SEC14L5: variants seen among roughly 807,000 people sequenced by gnomAD.
SEC14L5 encodes the protein SEC14 like lipid binding 5.
Under a neutral mutation model 84.6 loss-of-function variants are expected in SEC14L5, and 96 were observed. That is an observed-to-expected ratio of 1.13 (90% CI 0.96 to 1.34). The LOEUF is 1.34. Ranked by LOEUF, SEC14L5 falls within the 40% of genes most tolerant of loss-of-function variation. The pLI is 0.00. For synonymous variants in SEC14L5, 546 were observed against 383.4 expected, an observed-to-expected ratio of 1.42 and a Z score of -4.95; for missense variants, 1,224 against 942.5, an observed-to-expected ratio of 1.30 and a Z score of -3.91.
intron 15 of SEC14L5, among the ~76,000 whole-genome samples, chr16:5,013,282 G>A (rs1307323183): frequency 6.6e-6 from 1 of 152,180 alleles, no homozygotes; most frequent in African/African-American, 2.4e-5. Flanking sequence ...GCACAGGACG[G>A]GCCTGGCCTA....
chr16:4,985,599 C>T (rs1275606599), intron 2 of SEC14L5, among the ~76,000 whole-genome samples: 3 of 152,114 alleles, frequency 2.0e-5, no homozygotes, highest in Admixed American at 6.6e-5. Flanking sequence ...ATTCTTTTCT[C>T]ATCAGATTGT....
chr16:4,991,900 G>T lies in SEC14L5; in HGVS notation c.537G>T (p.Pro179=). The T allele has an allele frequency of 6.2e-7, 1 of 1,608,932 alleles. No individual in the cohort carries two copies. The highest frequency in any genetic ancestry group is 1.1e-5 in the South Asian group (1 of 90,318). Residue 179 remains proline (P), a synonymous_variant, in exon 6 of 16, where the codon CCG becomes CCT. Coordinates refer to ENST00000251170, the MANE Select transcript of SEC14L5 (RefSeq NM_014692.2). The part of the protein sequence containing the change: ...ELISQGTSHI[P]RWTPAPVREE... ...TCTCCCAGGGTACCTCGCACATTCCGCGCTGGACGCCTGCCCCAGTCCGTG... is the reference window on the plus strand; with the variant it reads ...TCTCCCAGGGTACCTCGCACATTCCTCGCTGGACGCCTGCCCCAGTCCGTG...
intron 2 of SEC14L5, among the ~76,000 whole-genome samples, chr16:4,969,600 T>C (rs1008787265): frequency 6.6e-6 from 1 of 151,536 alleles, no homozygotes; most frequent in Non-Finnish European, 1.5e-5. Flanking sequence ...GTCAGGCTGG[T>C]CTTGAACTCC....
In SEC14L5 at chr16:4,962,646, C is replaced by T. The variant is rs185324559; in HGVS notation, c.63+3260C>T. ...GAGGTTGCAGGGAGCCGAGATCGTGCCATTGCACTCCAGCCTGGGGGAAGA... is the reference window on the plus strand; with the variant it reads ...GAGGTTGCAGGGAGCCGAGATCGTGTCATTGCACTCCAGCCTGGGGGAAGA... On this transcript the variant is annotated intron_variant, in intron 2 of 15. Coordinates refer to ENST00000251170, the MANE Select transcript of SEC14L5 (RefSeq NM_014692.2). Among the ~76,000 whole-genome samples the T allele has an allele frequency of 1.1e-3, 162 of 142,982 alleles. 2 individuals carry two copies. The Middle Eastern group carries it at 0.032, about 28-fold the overall frequency. The allele number at this position is 142,982 out of a possible 152,430, so 93.8% of individuals were successfully genotyped here. A position where few individuals can be genotyped will look rare whatever the true frequency, so the allele number is the denominator to read the frequency against.
intron 10 of SEC14L5, among the ~76,000 whole-genome samples, chr16:5,002,891 C>T (rs1351152408): frequency 6.6e-6 from 1 of 152,196 alleles, no homozygotes; most frequent in Non-Finnish European, 1.5e-5. Context: ...CAACAATTAA[C>T]TCATTTATGC....
At position 5,003,490 on chromosome 16, in the gene SEC14L5, G is replaced by T. The variant is rs769280636; in HGVS notation, c.1219G>T (p.Val407Leu). 6.2e-7 allele frequency: 1 copy of T among 1,613,152 alleles called. No homozygotes were observed. The highest frequency in any genetic ancestry group is 1.1e-5 in the South Asian group (1 of 91,076). The part of the protein sequence containing the change: ...GVKALLRMIE[V>L]VEDNYPETLG... ...GAAGGCCCTGCTGCGGATGATTGAGGTGGTTGAGGACAATTACCCAGAGAC... is the reference window on the plus strand; with the variant it reads ...GAAGGCCCTGCTGCGGATGATTGAGTTGGTTGAGGACAATTACCCAGAGAC... The change falls in exon 11 of 16, where the codon GTG becomes TTG. Residue 407 changes from valine (V) to leucine (L), a missense_variant. By Grantham distance (32) the Val-to-Leu change is conservative. Transcript: ENST00000251170.
At position 5,015,010 on chromosome 16, in the gene SEC14L5, G is replaced by C. The variant is rs1285645815; in HGVS notation, c.*40G>C. On this transcript the variant is annotated 3_prime_UTR_variant, in exon 16 of 16. Transcript: ENST00000251170. ...TCAGGGCCGCCCGCTCGCCTCCAGT[G>C]TCCAGAAATGTCCAGAATGAGAAGC... 2 of 1,433,872 alleles carry C rather than the reference G, an allele frequency of 1.4e-6. No individual in the cohort carries two copies. The highest frequency in any genetic ancestry group is 1.9e-6 in the Non-Finnish European group (2 of 1,028,980). 88.8% of individuals were successfully genotyped at this position (1,433,872 alleles called of 1,614,324 possible). A position where few individuals can be genotyped will look rare whatever the true frequency, so the allele number is the denominator to read the frequency against.
At chr16:4,990,150 C>T (rs960169393) in intron 4 of SEC14L5, among the ~76,000 whole-genome samples, 1 of 149,634 alleles carries the variant, frequency 6.7e-6, no homozygotes, top group South Asian at 2.1e-4. Flanking sequence ...ATACACTGAA[C>T]AATTGTATTT....
chr16:4,975,341 T>C (rs1483112375), intron 2 of SEC14L5, among the ~76,000 whole-genome samples: 1 of 151,566 alleles, frequency 6.6e-6, no homozygotes, highest in African/African-American at 2.4e-5. Flanking sequence ...GGCATGGTGG[T>C]GGGCGCCTGT....
At chr16:4,969,752 G>A (rs556462837) in intron 2 of SEC14L5, among the ~76,000 whole-genome samples, 1 of 151,522 alleles carries the variant, frequency 6.6e-6, no homozygotes, top group Admixed American at 6.6e-5. Flanking sequence ...GTTTATATGG[G>A]TATTTTTCAT....
At chr16:4,968,280 A>G (rs1955232190) in intron 2 of SEC14L5, among the ~76,000 whole-genome samples, 1 of 151,854 alleles carries the variant, frequency 6.6e-6, no homozygotes, top group Non-Finnish European at 1.5e-5. Flanking sequence ...CCCGGGTTCA[A>G]GCAATTCTTC....
At chr16:4,999,693 C>A (rs1955654312) in intron 8 of SEC14L5, among the ~76,000 whole-genome samples, 1 of 152,010 alleles carries the variant, frequency 6.6e-6, no homozygotes. Flanking sequence ...GGCGGCAGAT[C>A]ACTTGAGGCC....
chr16:5,008,691 T>G (rs1568151806), intron 14 of SEC14L5, 43 bp downstream of exon 14: 1 of 1,530,496 alleles, frequency 6.5e-7, no homozygotes, highest in African/African-American at 1.4e-5. Flanking sequence ...CAAGCAGCAC[T>G]GAGTGTCCAC....
intron 2 of SEC14L5, among the ~76,000 whole-genome samples, chr16:4,976,337 G>C (rs1447131119): frequency 6.6e-6 from 1 of 152,222 alleles, no homozygotes; most frequent in East Asian, 1.9e-4. Flanking sequence ...CTTAAGGGCG[G>C]TGCTATGCTG....
chr16:5,008,425 C>T lies in SEC14L5; in HGVS notation c.1577C>T (p.Ala526Val). The T allele has an allele frequency of 1.2e-6, 2 of 1,608,234 alleles. No homozygotes were observed. The highest frequency in any genetic ancestry group is 1.7e-6 in the Non-Finnish European group (2 of 1,176,062). The change falls in exon 14 of 16, where the codon GCC becomes GTC. Residue 526 changes from alanine to valine, a missense_variant. Transcript: ENST00000251170. ...ACCTCGCCTGTCTCCACACAGGTGG[C>T]CGTGGAGATCCTGGAAGGAGAGTCG... The part of the protein sequence containing the change: ...SVLRGAPHEV[A>V]VEILEGESVI...
chr16:4,979,982 G>C (rs1225410166), intron 2 of SEC14L5, among the ~76,000 whole-genome samples: 3 of 152,190 alleles, frequency 2.0e-5, no homozygotes, highest in Non-Finnish European at 4.4e-5. Flanking sequence ...TTGTGACGTA[G>C]CCAGAGATTC....
Position 4,959,378 on chromosome 16 carries a change from G to A in SEC14L5, c.55G>A (p.Val19Ile). The change falls in exon 2 of 16, where the codon GTC becomes ATC. Residue 19 changes from valine to isoleucine, a missense_variant. Transcript: ENST00000251170. ...VRVYKYPFEL[V>I]MAAYEKRFPT... ...AGTCTACAAGTACCCGTTTGAGCTG[G>A]TCATGGCGGTGAGTGACTCCTGATT... The A allele has an allele frequency of 6.2e-7, 1 of 1,613,800 alleles. No individual in the cohort carries two copies. Among genetic ancestry groups the A allele is most frequent in the Non-Finnish European group, 8.5e-7 (1 of 1,179,714 alleles).
intron 2 of SEC14L5, among the ~76,000 whole-genome samples, chr16:4,968,708 A>G (rs1955236385): frequency 6.6e-6 from 1 of 152,228 alleles, no homozygotes; most frequent in Non-Finnish European, 1.5e-5. Flanking sequence ...GCCACTGCCC[A>G]GGTGTTCCTG....
chr16:5,008,337 C>T, intron 13 of SEC14L5, 84 bp from the exon 14 acceptor site: 1 of 989,498 alleles, frequency 1.0e-6, no homozygotes, highest in Non-Finnish European at 1.6e-6. Flanking sequence ...CAGGGGGCAC[C>T]CACAGCCCCT....
Sources: allele counts gnomAD v4.1 joint callset (sites outside exome capture counted in the v4.1 genomes callset), GRCh38; gene constraint gnomAD v4.1.1; transcripts MANE v1.5; gene names NCBI Gene and HGNC (gene_info 2026-07-23, HGNC 2026-07-21).